CDH12: variants seen among roughly 807,000 people sequenced by gnomAD.
CDH12 encodes cadherin 12.
A neutral mutation model predicts 74.1 loss-of-function variants in CDH12; 41 were observed. The ratio of observed to expected loss-of-function variants is 0.55; its 90% CI spans 0.43 to 0.72. CDH12 has a LOEUF of 0.72. CDH12 is among the 30% of genes least tolerant of loss of function. The pLI is 0.00. For synonymous variants in CDH12, 399 were observed against 355.0 expected, an observed-to-expected ratio of 1.12 and a Z score of -1.39; for missense variants, 945 against 977.2, an observed-to-expected ratio of 0.97 and a Z score of 0.44.
rs573787657 is a variant in CDH12, at chr5:22,077,790, C to T, written c.231+656G>A. Among the ~76,000 whole-genome samples the T allele has an allele frequency of 3.9e-5, 6 of 152,030 alleles. No individual in the cohort carries two copies. In the South Asian group the frequency reaches 1.2e-3, roughly 32 times the overall value. On this transcript the variant is annotated intron_variant, in intron 5 of 14. Transcript: ENST00000382254. ...AAAAAATTAAATTTCCATAAAGTTGCAATAAGATATTTAAATTGCATGCTC... is the reference window on the plus strand; with the variant it reads ...AAAAAATTAAATTTCCATAAAGTTGTAATAAGATATTTAAATTGCATGCTC...
rs77176656 is a variant in CDH12, at chr5:22,538,734, C to T, written c.-522-33370G>A. ...CTGATTTTTTATAATAATATTTACA[C>T]AACACTCATGCTCAATTCATGCATT... On this transcript the variant is annotated intron_variant, in intron 1 of 14. Transcript: ENST00000382254. Among the ~76,000 whole-genome samples, 796 of 152,256 alleles carry T rather than the reference C, an allele frequency of 5.2e-3. 7 individuals carry two copies. Among genetic ancestry groups the T allele is most frequent in the African/African-American group, 0.018 (767 of 41,546 alleles).
rs189637022 is a variant in CDH12, at chr5:22,448,763, A to G, written c.-427-43412T>C. 4.4e-4 allele frequency among the ~76,000 whole-genome samples: 67 copies of G among 152,136 alleles called. No homozygotes were observed. The Middle Eastern group carries it at 0.01, about 23-fold the overall frequency. ...GTCTTATCCTGGATACAAAGAGTAT[A>G]TATTTCCTACTATTTTTTTCTAGAT... On this transcript the variant is annotated intron_variant, in intron 2 of 14. Coordinates refer to ENST00000382254, the MANE Select transcript of CDH12 (RefSeq NM_004061.5).
At chr5:22,814,577 A>G (rs773526859) in intron 1 of CDH12, among the ~76,000 whole-genome samples, 1 of 152,198 alleles carries the variant, frequency 6.6e-6, no homozygotes, top group Non-Finnish European at 1.5e-5. Flanking sequence ...TGTAAAATCA[A>G]TCTATTCTTA....
intron 8 of CDH12, among the ~76,000 whole-genome samples, chr5:21,837,968 T>TATGAG (rs1236274229): frequency 2.0e-5 from 3 of 152,130 alleles, no homozygotes; most frequent in Admixed American, 6.6e-5. Flanking sequence ...TTTTCCTGTT[T>TATGAG]ATGAGTGGTG....
chr5:22,213,992 T>A (rs1267493470), intron 3 of CDH12, among the ~76,000 whole-genome samples: 3 of 151,958 alleles, frequency 2.0e-5, no homozygotes, highest in African/African-American at 7.2e-5. Context: ...AAGCTATATT[T>A]ACATTGTGAT....
intron 6 of CDH12, among the ~76,000 whole-genome samples, chr5:21,969,819 CA>C (rs1213698242): frequency 1.3e-5 from 2 of 152,084 alleles, no homozygotes; most frequent in Non-Finnish European, 2.9e-5. Flanking sequence ...TGAGACAAAT[CA>C]AAAACCATGG....
intron 3 of CDH12, among the ~76,000 whole-genome samples, chr5:22,267,794 C>T (rs1736199809): frequency 6.6e-6 from 1 of 152,024 alleles, no homozygotes; most frequent in South Asian, 2.1e-4. Context: ...TTACCAGATC[C>T]AACTTGATAA....
In CDH12 at chr5:21,899,239, G is replaced by A. The variant is rs568377795; in HGVS notation, c.527-44449C>T. Among the ~76,000 whole-genome samples the A allele has an allele frequency of 3.7e-4, 56 of 152,206 alleles. No individual in the cohort carries two copies. The South Asian group carries it at 0.011, about 31-fold the overall frequency. ...TTTCTGCTTAAAGTATTTATTGCAT[G>A]CCACCTTGCATTACAAATCTTTATG... On this transcript the variant is annotated intron_variant, in intron 6 of 14. Transcript: ENST00000382254.
chr5:21,944,668 T>G (rs1755488277), intron 6 of CDH12, among the ~76,000 whole-genome samples: 1 of 152,224 alleles, frequency 6.6e-6, no homozygotes, highest in Non-Finnish European at 1.5e-5. Flanking sequence ...CTTACACAGC[T>G]TCTTCCAACT....
At chr5:22,789,073 G>T (rs2126376431) in intron 1 of CDH12, among the ~76,000 whole-genome samples, 1 of 152,076 alleles carries the variant, frequency 6.6e-6, no homozygotes, top group Admixed American at 6.6e-5. Flanking sequence ...AGTTTATTTT[G>T]AGTTTTCTTG....
At chr5:22,460,631 G>A (rs1191724939) in intron 2 of CDH12, among the ~76,000 whole-genome samples, 1 of 150,990 alleles carries the variant, frequency 6.6e-6, no homozygotes, top group Admixed American at 6.6e-5. Flanking sequence ...AAGAGTCTGG[G>A]AAATGCAAAT....
chr5:22,159,060 T>C (rs1454034542), intron 4 of CDH12, among the ~76,000 whole-genome samples: 6 of 152,116 alleles, frequency 3.9e-5, no homozygotes, highest in Admixed American at 3.3e-4. Flanking sequence ...AAAAGGTCCA[T>C]AGTTTTAGCA....
intron 3 of CDH12, among the ~76,000 whole-genome samples, chr5:22,293,413 C>T (rs773114423): frequency 2.0e-5 from 3 of 152,018 alleles, no homozygotes; most frequent in Non-Finnish European, 4.4e-5. Context: ...ATTTCCAACA[C>T]TTAAAAAAAA....
chr5:22,377,165 T>C (rs912496318), intron 3 of CDH12, among the ~76,000 whole-genome samples: 1 of 152,132 alleles, frequency 6.6e-6, no homozygotes, highest in African/African-American at 2.4e-5. Context: ...CAGCAACCAA[T>C]AATACCAATG....
intron 3 of CDH12, among the ~76,000 whole-genome samples, chr5:22,341,207 A>T (rs1739832629): frequency 6.6e-6 from 1 of 152,214 alleles, no homozygotes; most frequent in Non-Finnish European, 1.5e-5. Flanking sequence ...TAACATAAAG[A>T]ATGGTCAGGC....
chr5:22,415,761 T>C (rs1214508348), intron 2 of CDH12, among the ~76,000 whole-genome samples: 2 of 152,178 alleles, frequency 1.3e-5, no homozygotes, highest in Non-Finnish European at 2.9e-5. Context: ...GTTTTACTGA[T>C]ACAAAAATTG....
chr5:22,773,584 C>T (rs1746928035), intron 1 of CDH12, among the ~76,000 whole-genome samples: 2 of 152,040 alleles, frequency 1.3e-5, no homozygotes, highest in Non-Finnish European at 2.9e-5. Context: ...TGCACATTGG[C>T]TTTTGCAAAA....
chr5:21,900,097 T>C (rs774151979), intron 6 of CDH12, among the ~76,000 whole-genome samples: 19 of 152,192 alleles, frequency 1.2e-4, no homozygotes, highest in Non-Finnish European at 1.9e-4. Flanking sequence ...TTAATTTTGA[T>C]ATTAACATTG....
chr5:22,599,513 CA>C (rs1297908743), intron 1 of CDH12, among the ~76,000 whole-genome samples: 1 of 151,972 alleles, frequency 6.6e-6, no homozygotes, highest in Non-Finnish European at 1.5e-5. Flanking sequence ...AACTTGCCTA[CA>C]GTTCTTATCA....
Sources: allele counts gnomAD v4.1 joint callset (sites outside exome capture counted in the v4.1 genomes callset), GRCh38; gene constraint gnomAD v4.1.1; transcripts MANE v1.5; gene names NCBI Gene and HGNC (gene_info 2026-07-23, HGNC 2026-07-21).